NFE2L1: variants seen among roughly 807,000 people sequenced by gnomAD.
NFE2L1 encodes NFE2 like bZIP transcription factor 1.
In NFE2L1, 18 loss-of-function variants were observed where a neutral mutation model predicts 61.6. The ratio of observed to expected loss-of-function variants is 0.29; its 90% CI spans 0.20 to 0.43. NFE2L1 has a LOEUF of 0.43. Ranked by LOEUF, NFE2L1 falls within the 20% of genes least tolerant of loss-of-function variation. The pLI, the probability that NFE2L1 is intolerant of heterozygous loss-of-function variation, is 1.00. For synonymous variants in NFE2L1, 419 were observed against 402.7 expected (o/e 1.04, Z -0.48); for missense variants, 827 against 973.5 (o/e 0.85, Z 2.00).
At chr17:48,053,981 T>C (rs1259162656) in intron 2 of NFE2L1, among the ~76,000 whole-genome samples, 1 of 152,236 alleles carries the variant, frequency 6.6e-6, no homozygotes, top group Non-Finnish European at 1.5e-5. Flanking sequence ...GTGGGCAAAA[T>C]GGCCTTCCCC....
chr17:48,059,919 T>C lies in NFE2L1; in HGVS notation c.*278T>C, dbSNP rs953642850. On this transcript the variant is annotated 3_prime_UTR_variant, in exon 6 of 6. Transcript: ENST00000362042. This position sits in a 1 kb window ranked among gnomAD's most constrained non-coding sequence, Gnocchi z 6.1. ...GGGGTGGTGGTGGAGTTGCTGGAGGTAGAGGAGCTATGTGGAGCAAAGGCC... is the reference window on the plus strand; with the variant it reads ...GGGGTGGTGGTGGAGTTGCTGGAGGCAGAGGAGCTATGTGGAGCAAAGGCC... The C allele has an allele frequency of 1.9e-5, 8 of 422,860 alleles. No individual in the cohort carries two copies. The highest frequency in any genetic ancestry group is 8.3e-5 in the Admixed American group (2 of 24,170). 26.2% of individuals were successfully genotyped at this position (422,860 alleles called of 1,614,324 possible).
At chr17:48,052,738 T>C (rs908911799) in intron 2 of NFE2L1, among the ~76,000 whole-genome samples, 4 of 152,174 alleles carry the variant, frequency 2.6e-5, no homozygotes, top group Non-Finnish European at 5.9e-5. Context: ...GAAACAGTTT[T>C]GGTTGTCACA....
intron 2 of NFE2L1, 198 bp from the exon 3 acceptor site, chr17:48,056,188 G>T: frequency 3.1e-6 from 2 of 651,700 alleles, no homozygotes; most frequent in Non-Finnish European, 2.7e-6. Context: ...TTTTTTTTGT[G>T]GGAAGGGGAT....
chr17:48,058,329 T>G lies in NFE2L1; in HGVS notation c.1007T>G (p.Leu336Arg), dbSNP rs946393292. The G allele has an allele frequency of 6.2e-7, 1 of 1,609,164 alleles. No homozygotes were observed. Among genetic ancestry groups the G allele is most frequent in the African/African-American group, 1.3e-5 (1 of 74,856 alleles). The change falls in exon 6 of 6, where the codon CTG becomes CGG. Residue 336 changes from leucine to arginine, a missense_variant. Coordinates refer to ENST00000362042, the MANE Select transcript of NFE2L1 (RefSeq NM_003204.3). ...GTGAACACATCAGCAAGTGAAATCCTGTACAGTGCCCCTCCTGGAGACCCA... is the reference window on the plus strand; with the variant it reads ...GTGAACACATCAGCAAGTGAAATCCGGTACAGTGCCCCTCCTGGAGACCCA... ...MEVNTSASEI[L>R]YSAPPGDPLS...
In NFE2L1 at chr17:48,057,482, A is replaced by C. The variant is rs913537543; in HGVS notation, c.952A>C (p.Met318Leu). 8.1e-5 allele frequency: 131 copies of C among 1,613,188 alleles called. No individual in the cohort carries two copies. The highest frequency in any genetic ancestry group is 1.1e-4 in the Non-Finnish European group (129 of 1,179,690). The change falls in exon 5 of 6, where the codon ATG becomes CTG. Residue 318 changes from methionine (M) to leucine (L), a missense_variant. Met to Leu is a conservative substitution (Grantham distance 15). Transcript: ENST00000362042. ...FDLEQQWQDL[M>L]SIMEMQAMEV... ...TTTGGAACAGCAGTGGCAAGATCTC[A>C]TGTCCATCATGGAAATGCAGGTAGG...
At chr17:48,056,243 AG>A (rs2037397696) in intron 2 of NFE2L1, 142 bp from the exon 3 acceptor site, 2 of 779,312 alleles carry the variant, frequency 2.6e-6, no homozygotes, top group Admixed American at 2.0e-5. Context: ...TGCAGGGACC[AG>A]GGGGTAAAGG....
intron 2 of NFE2L1, chr17:48,054,328 A>T (rs1304842765): frequency 6.3e-6 from 1 of 158,890 alleles, no homozygotes; most frequent in Non-Finnish European, 1.4e-5. Context: ...GCATCTCCTC[A>T]AGGAGACGGA....
In NFE2L1 at chr17:48,058,762, C is replaced by T. The variant is rs770429052; in HGVS notation, c.1440C>T (p.Ser480=). Residue 480 remains serine (S), a synonymous_variant, in exon 6 of 6, where the codon TCC becomes TCT. Transcript: ENST00000362042. ...AATTTGACTCTGACTCAGGCCTTTC[C>T]TTAGACTCGAGCCATAGCCCTTCTT... ...EEEFDSDSGL[S]LDSSHSPSSL... 6.2e-7 allele frequency: 1 copy of T among 1,614,214 alleles called. No homozygotes were observed. The highest frequency in any genetic ancestry group is 2.2e-5 in the East Asian group (1 of 44,880).
chr17:48,050,478 CAA>C (rs200432684), intron 1 of NFE2L1, 127 bp from the exon 2 acceptor site: 658 of 320,982 alleles, frequency 2.0e-3, no homozygotes, highest in Middle Eastern at 3.9e-3. Flanking sequence ...GACTCTGTCT[CAA>C]AAAAAAAAAA....
In NFE2L1 at chr17:48,058,302, A is replaced by C; in HGVS notation, c.980A>C (p.Glu327Ala). 6.3e-7 allele frequency: 1 copy of C among 1,584,036 alleles called. No homozygotes were observed. The change falls in exon 6 of 6, where the codon GAA (glutamate) becomes GCA (alanine). Residue 327 changes from glutamate (E) to alanine (A), a missense_variant. Coordinates refer to ENST00000362042, the MANE Select transcript of NFE2L1 (RefSeq NM_003204.3). ...LMSIMEMQAM[E>A]VNTSASEILY... ...GCTCTTCTCCCCTCCCAGGCCATGGAAGTGAACACATCAGCAAGTGAAATC... is the reference window on the plus strand; with the variant it reads ...GCTCTTCTCCCCTCCCAGGCCATGGCAGTGAACACATCAGCAAGTGAAATC...
chr17:48,059,523 C>T lies in NFE2L1; in HGVS notation c.2201C>T (p.Ser734Leu), dbSNP rs770915060. ...RLRDENGRPY[S>L]PSQYALQYAG... ...CGAGATGAGAACGGACGACCCTACTCGCCCAGTCAGTATGCGCTCCAGTAC... is the reference window on the plus strand; with the variant it reads ...CGAGATGAGAACGGACGACCCTACTTGCCCAGTCAGTATGCGCTCCAGTAC... Residue 734 changes from serine (S) to leucine (L), a missense_variant, in exon 6 of 6, where the codon TCG becomes TTG. Physicochemically the swap from Ser to Leu is moderately radical, Grantham distance 145. This residue lies in a region of NFE2L1 where 86 missense variants were observed against 97.3 expected (regional missense o/e 0.88). Transcript: ENST00000362042. This position sits in a 1 kb window ranked among gnomAD's most constrained non-coding sequence, Gnocchi z 6.1. 51 of 1,613,844 alleles carry T rather than the reference C, an allele frequency of 3.2e-5. 1 individual carries two copies. Among genetic ancestry groups the T allele is most frequent in the Middle Eastern group, 3.3e-4 (2 of 6,084 alleles).
chr17:48,049,570 T>C (rs1457382957), intron 1 of NFE2L1, among the ~76,000 whole-genome samples: 3 of 152,170 alleles, frequency 2.0e-5, no homozygotes, highest in Non-Finnish European at 4.4e-5. Flanking sequence ...TTTTTGTATT[T>C]TTAGTTGAGA....
chr17:48,051,772 C>T, intron 2 of NFE2L1, 144 bp downstream of exon 2: 1 of 1,011,116 alleles, frequency 9.9e-7, no homozygotes, highest in Non-Finnish European at 1.4e-6. Flanking sequence ...TAGGGATGGG[C>T]TGAACTTTCT....
chr17:48,051,438 G>A lies in NFE2L1; in HGVS notation c.320G>A (p.Arg107Gln), dbSNP rs1340043104. 7 of 1,614,216 alleles carry A rather than the reference G, an allele frequency of 4.3e-6. No individual in the cohort carries two copies. The highest frequency in any genetic ancestry group is 2.2e-5 in the South Asian group (2 of 91,090). The change falls in exon 2 of 6, where the codon CGA (arginine) becomes CAA (glutamine). Residue 107 changes from arginine (R) to glutamine (Q), a missense_variant. Physicochemically the swap from Arg to Gln is conservative, Grantham distance 43. Transcript: ENST00000362042. ...TTEVNAWLVH[R>Q]DPEGSVSGSQ... Reference sequence around the variant, plus strand: ...GAGGTAAATGCCTGGCTGGTTCACCGAGACCCAGAGGGGTCTGTCTCTGGC... The same window carrying A: ...GAGGTAAATGCCTGGCTGGTTCACCAAGACCCAGAGGGGTCTGTCTCTGGC...
At chr17:48,050,406 A>C (rs1287368843) in intron 1 of NFE2L1, among the ~76,000 whole-genome samples, 3 of 152,012 alleles carry the variant, frequency 2.0e-5, no homozygotes, top group Non-Finnish European at 4.4e-5. Flanking sequence ...TTGAATGCAG[A>C]AGGTGGAGGT....
chr17:48,056,669 T>C, intron 3 of NFE2L1, 71 bp downstream of exon 3: 1 of 1,540,812 alleles, frequency 6.5e-7, no homozygotes, highest in Non-Finnish European at 8.8e-7. Flanking sequence ...GCTGGAGTTC[T>C]TCCAGAAACT....
intron 2 of NFE2L1, chr17:48,055,118 G>T: frequency 7.0e-7 from 1 of 1,430,452 alleles, no homozygotes; most frequent in South Asian, 1.4e-5. Context: ...GGCCCAGCCC[G>T]CCTCTGCTCC....
chr17:48,058,147 G>C, intron 5 of NFE2L1, 148 bp from the exon 6 acceptor site: 2 of 1,109,888 alleles, frequency 1.8e-6, no homozygotes, highest in Non-Finnish European at 2.5e-6. Flanking sequence ...GGACGAAGCT[G>C]GGTCAGGAGC....
rs1275444062 is a variant in NFE2L1, at chr17:48,060,912, G to A, written c.*1271G>A. ...AAGGAGATGCCCAATATTCAAAGCT[G>A]CTAAATGTTCTCTTTGCCATAAAGA... On this transcript the variant is annotated 3_prime_UTR_variant, in exon 6 of 6. Coordinates refer to ENST00000362042, the MANE Select transcript of NFE2L1 (RefSeq NM_003204.3). 6.6e-6 allele frequency: 1 copy of A among 152,656 alleles called. No individual in the cohort carries two copies. The highest frequency in any genetic ancestry group is 2.4e-5 in the African/African-American group (1 of 41,448). The allele number at this position is 152,656 out of a possible 1,614,324, so 9.5% of individuals were successfully genotyped here. A position where few individuals can be genotyped will look rare whatever the true frequency, so the allele number is the denominator to read the frequency against.
Sources: allele counts gnomAD v4.1 joint callset (sites outside exome capture counted in the v4.1 genomes callset), GRCh38; gene constraint gnomAD v4.1.1; regional missense constraint gnomAD v4.1.1; non-coding constraint Gnocchi (gnomAD v3.1); transcripts MANE v1.5; gene names NCBI Gene and HGNC (gene_info 2026-07-23, HGNC 2026-07-21).